Variants in ARID4B observed in about 807,000 individuals in gnomAD.
ARID4B encodes AT-rich interaction domain 4B, also known as AT-rich interactive domain-containing protein 4B.
Under a neutral mutation model 147.5 loss-of-function variants are expected in ARID4B, and 26 were observed. The ratio of observed to expected loss-of-function variants is 0.18; its 90% CI spans 0.13 to 0.24. ARID4B has a LOEUF of 0.24. ARID4B is among the 10% of genes least tolerant of loss of function. The pLI is 1.00. For missense variants in ARID4B, 1,179 were observed against 1,511.5 expected (o/e 0.78, Z 3.65); for synonymous variants, 512 against 507.9 (o/e 1.01, Z -0.11).
chr1:235,309,203 C>T (rs1444517852), intron 2 of ARID4B, among the ~76,000 whole-genome samples: 9 of 149,364 alleles, frequency 6.0e-5, no homozygotes, highest in Middle Eastern at 3.6e-3. Flanking sequence ...TCTGCCCGGC[C>T]GCCCCGTCTG....
intron 14 of ARID4B, 54 bp from the exon 15 acceptor site, chr1:235,220,599 T>C (rs1054658776): frequency 1.8e-5 from 24 of 1,354,130 alleles, no homozygotes; most frequent in African/African-American, 1.5e-4. Context: ...AATATAACTA[T>C]AGAGTTATTT....
At chr1:235,211,271 C>A (rs549565338) in intron 17 of ARID4B, among the ~76,000 whole-genome samples, 1 of 151,982 alleles carries the variant, frequency 6.6e-6, no homozygotes, top group African/African-American at 2.4e-5. Flanking sequence ...GCGGAGGCTG[C>A]GGTGAGCCAA....
intron 16 of ARID4B, among the ~76,000 whole-genome samples, chr1:235,215,242 A>G (rs1203618457): frequency 6.6e-6 from 1 of 152,118 alleles, no homozygotes; most frequent in East Asian, 1.9e-4. Context: ...AACAAGTTGG[A>G]GAAAATCTTC....
chr1:235,268,690 AG>A (rs1278461929), intron 2 of ARID4B, among the ~76,000 whole-genome samples: 1 of 151,994 alleles, frequency 6.6e-6, no homozygotes, highest in African/African-American at 2.4e-5. Context: ...CACCATGTCC[AG>A]CTAATTAGTA....
intron 16 of ARID4B, among the ~76,000 whole-genome samples, chr1:235,215,027 T>G (rs1054482008): frequency 6.6e-6 from 1 of 151,858 alleles, no homozygotes; most frequent in Non-Finnish European, 1.5e-5. Flanking sequence ...GTATTTTTAG[T>G]AGTGACAGGG....
At chr1:235,221,870 A>C (rs1667485618) in intron 13 of ARID4B, among the ~76,000 whole-genome samples, 1 of 141,330 alleles carries the variant, frequency 7.1e-6, no homozygotes, top group Non-Finnish European at 1.5e-5. Flanking sequence ...ATGTTGAAAT[A>C]TTAAGTCATT....
chr1:235,326,601 C>G (rs1675282884), intron 2 of ARID4B, among the ~76,000 whole-genome samples: 1 of 152,190 alleles, frequency 6.6e-6, no homozygotes, highest in African/African-American at 2.4e-5. Flanking sequence ...TTTCTAGGGT[C>G]AGATTACCTG....
intron 9 of ARID4B, 147 bp downstream of exon 9, chr1:235,234,266 A>G: frequency 1.7e-6 from 1 of 597,708 alleles, no homozygotes; most frequent in Non-Finnish European, 3.0e-6. Context: ...ATAATATGAA[A>G]AACAGTGACT....
intron 2 of ARID4B, among the ~76,000 whole-genome samples, chr1:235,302,189 A>C (rs1373800239): frequency 1.3e-4 from 19 of 147,058 alleles, no homozygotes; most frequent in Admixed American, 6.9e-4. Flanking sequence ...AGCAAAAAAA[A>C]ACAAAGAAAC....
At chr1:235,275,139 C>T (rs1022105935) in intron 2 of ARID4B, among the ~76,000 whole-genome samples, 2 of 152,218 alleles carry the variant, frequency 1.3e-5, no homozygotes, top group African/African-American at 4.8e-5. Flanking sequence ...CAAATTTTTA[C>T]GACAAAGAAG....
intron 22 of ARID4B, among the ~76,000 whole-genome samples, chr1:235,174,814 C>CA (rs1393547128): frequency 5.8e-4 from 86 of 148,152 alleles, no homozygotes; most frequent in African/African-American, 2.0e-3. Context: ...GACTCTGTCT[C>CA]AAAAAAAAAG....
chr1:235,278,780 G>A (rs531608349), intron 2 of ARID4B, among the ~76,000 whole-genome samples: 11 of 152,184 alleles, frequency 7.2e-5, no homozygotes, highest in Admixed American at 3.3e-4. Flanking sequence ...TACCACTTTT[G>A]GCACACTGTA....
At chr1:235,191,069 T>C (rs759986354) in intron 19 of ARID4B, among the ~76,000 whole-genome samples, 3 of 152,188 alleles carry the variant, frequency 2.0e-5, no homozygotes, top group Non-Finnish European at 4.4e-5. Context: ...CCATGTCTTA[T>C]GTGCCACTAC....
At chr1:235,298,061 G>A (rs1223476787) in intron 2 of ARID4B, among the ~76,000 whole-genome samples, 1 of 152,160 alleles carries the variant, frequency 6.6e-6, no homozygotes, top group East Asian at 1.9e-4. Flanking sequence ...GTTGTACTAT[G>A]AAAGGAAAGT....
chr1:235,209,818 C>G (rs889323132), intron 17 of ARID4B, among the ~76,000 whole-genome samples: 19 of 152,176 alleles, frequency 1.2e-4, no homozygotes, highest in African/African-American at 4.6e-4. Flanking sequence ...CCCGCCTCGG[C>G]CTCCCAAAGT....
rs1182725942 is a variant in ARID4B at position 235,309,560 on chromosome 1, GC to G, written c.6+17353del. Among the ~76,000 whole-genome samples, 82 of 148,098 alleles carry G rather than the reference GC, an allele frequency of 5.5e-4. 2 individuals carry two copies. Among genetic ancestry groups the G allele is most frequent in the African/African-American group, 2.0e-3 (78 of 39,998 alleles). On this transcript the variant is annotated intron_variant, in intron 2 of 23. Coordinates refer to ENST00000264183, the MANE Select transcript of ARID4B (RefSeq NM_016374.6). ...GTCCGGGAGGGAGGTGGGGGGGTCA[GC>G]CCCCCGCCCGGTCAGCCGCCCCGTC...
chr1:235,258,868 C>A (rs1670136768), intron 3 of ARID4B, among the ~76,000 whole-genome samples: 2 of 152,130 alleles, frequency 1.3e-5, no homozygotes, highest in Admixed American at 6.5e-5. Flanking sequence ...AGAGTTTCAC[C>A]TTTAGATAGA....
intron 20 of ARID4B, chr1:235,180,560 ATAG>A (rs1246992384): frequency 1.3e-5 from 2 of 152,210 alleles, no homozygotes; most frequent in African/African-American, 4.8e-5. Flanking sequence ...AGATAAAATC[ATAG>A]TAGTTATACT....
chr1:235,291,055 G>A (rs958864404), intron 2 of ARID4B, among the ~76,000 whole-genome samples: 1 of 152,148 alleles, frequency 6.6e-6, no homozygotes, highest in African/African-American at 2.4e-5. Context: ...AACTATGATA[G>A]TGCTACTGCA....
Sources: gnomAD v4.1 joint callset for allele counts (sites outside exome capture counted in the v4.1 genomes callset) on GRCh38, gnomAD v4.1.1 for gene constraint, MANE v1.5 for transcripts, NCBI Gene and HGNC (gene_info 2026-07-23, HGNC 2026-07-21) for gene names.